The following SS18 variants were observed in gnomAD, a reference collection of about 807,000 sequenced individuals.
SS18 encodes the protein SS18 subunit of BAF chromatin remodeling complex.
Under a neutral mutation model 72.5 loss-of-function variants are expected in SS18, and 28 were observed. The ratio of observed to expected loss-of-function variants is 0.39; its 90% CI spans 0.29 to 0.53. SS18 has a LOEUF of 0.53. Ranked by LOEUF, SS18 falls within the 20% of genes least tolerant of loss-of-function variation. The probability of loss-of-function intolerance (pLI) is 0.76; values close to 1 mark genes in which losing one functional copy is unlikely to be tolerated. For missense variants in SS18, 518 were observed against 535.3 expected (o/e 0.97, Z 0.32); for synonymous variants, 172 against 164.2 (o/e 1.05, Z -0.37).
At chr18:26,030,901 G>C (rs2053532639) in intron 10 of SS18, among the ~76,000 whole-genome samples, 1 of 152,112 alleles carries the variant, frequency 6.6e-6, no homozygotes, top group Admixed American at 6.6e-5. Context: ...AAATGTTTCA[G>C]AAATATAGAA....
At chr18:26,069,891 C>T (rs187881094) in intron 3 of SS18, among the ~76,000 whole-genome samples, 323 of 152,298 alleles carry the variant, frequency 2.1e-3, no homozygotes, top group African/African-American at 7.7e-3. Context: ...AATAAATTAA[C>T]AGTAACTAAT....
At chr18:26,038,109 T>C (rs1319475914) in intron 7 of SS18, among the ~76,000 whole-genome samples, 1 of 152,134 alleles carries the variant, frequency 6.6e-6, no homozygotes, top group African/African-American at 2.4e-5. Flanking sequence ...GTATGAAACA[T>C]TAATTAAAAT....
intron 3 of SS18, among the ~76,000 whole-genome samples, chr18:26,058,827 C>T (rs556187713): frequency 6.6e-5 from 10 of 152,312 alleles, no homozygotes; most frequent in African/African-American, 2.4e-4. Context: ...CTTAAATTCT[C>T]ATATTATTTC....
chr18:26,038,408 T>G, intron 7 of SS18, 147 bp downstream of exon 7: 1 of 658,614 alleles, frequency 1.5e-6, no homozygotes, highest in Admixed American at 2.6e-5. Context: ...AATGCTATCA[T>G]TGGTACTTTA....
At chr18:26,046,634 C>T (rs113338218) in intron 5 of SS18, among the ~76,000 whole-genome samples, 2,006 of 152,312 alleles carry the variant, frequency 0.013, 21 homozygotes, top group Non-Finnish European at 0.021. Flanking sequence ...TTCTTCAGTA[C>T]TCCATTTACA....
rs114040342 is a variant in SS18 at position 26,032,017 on chromosome 18, C to A, written c.1230+382G>T. On this transcript the variant is annotated intron_variant, in intron 10 of 10. Transcript: ENST00000415083. The stretch of plus-strand genomic sequence containing the variant: ...TGAGAAGGGATCACGGAGGGGGAAC[C>A]AAATGAATTTATTAACGTTGAACTG... Among the ~76,000 whole-genome samples, 804 of 152,102 alleles carry A rather than the reference C, an allele frequency of 5.3e-3. 8 individuals are homozygous for A. Among genetic ancestry groups the A allele is most frequent in the Non-Finnish European group, 7.0e-3 (479 of 67,994 alleles).
At chr18:26,062,494 A>T (rs2054141382) in intron 3 of SS18, among the ~76,000 whole-genome samples, 1 of 152,194 alleles carries the variant, frequency 6.6e-6, no homozygotes, top group South Asian at 2.1e-4. Flanking sequence ...TTGATTAAAG[A>T]AAGGAACAAA....
chr18:26,055,895 T>C (rs564126216), intron 4 of SS18, among the ~76,000 whole-genome samples: 6 of 151,960 alleles, frequency 3.9e-5, no homozygotes, highest in East Asian at 1.9e-4. Flanking sequence ...GTAGCTGGGA[T>C]TACAGACGTG....
chr18:26,032,155 C>G (rs1283786193), intron 10 of SS18, among the ~76,000 whole-genome samples: 1 of 151,704 alleles, frequency 6.6e-6, no homozygotes, highest in Non-Finnish European at 1.5e-5. Context: ...GAGAGAGAGA[C>G]AGAATATATA....
intron 5 of SS18, among the ~76,000 whole-genome samples, chr18:26,049,278 G>GCTTT (rs61503300): frequency 0.19 from 28,900 of 151,662 alleles, 5,611 homozygotes; most frequent in African/African-American, 0.49. Flanking sequence ...TGTACTTGTT[G>GCTTT]ATTAAATAAA....
chr18:26,090,973 G>A (rs73944456), upstream of SS18: 1,918 of 247,834 alleles, frequency 7.7e-3, 35 homozygotes, highest in African/African-American at 0.039. Context: ...GGCCCAAGCC[G>A]GCCCGCCCCC....
chr18:26,039,893 C>G (rs1314699693), intron 5 of SS18, among the ~76,000 whole-genome samples: 1 of 152,096 alleles, frequency 6.6e-6, no homozygotes, highest in Non-Finnish European at 1.5e-5. Flanking sequence ...GGAAAAGAAA[C>G]CAAATCTCTA....
In SS18 at chr18:26,056,049, G is replaced by A. The variant is rs762793560; in HGVS notation, c.385+1540C>T. Among the ~76,000 whole-genome samples the A allele has an allele frequency of 5.9e-5, 9 of 152,226 alleles. No homozygotes were observed. In the East Asian group the frequency reaches 1.4e-3, roughly 23 times the overall value. On this transcript the variant is annotated intron_variant, in intron 4 of 10. Transcript: ENST00000415083. ...TGGGATTACAGGCGTGAGCCACCGC[G>A]CCTGGCCTGGAGAAATTCTTAACTA... is the stretch of plus-strand genomic sequence containing the variant.
chr18:26,023,697 A>C (rs947569553), intron 10 of SS18: 5 of 520,798 alleles, frequency 9.6e-6, no homozygotes, highest in African/African-American at 9.5e-5. Flanking sequence ...AGACATACAA[A>C]AGCTGATTAT....
At chr18:26,076,937 T>C (rs763248652) in intron 3 of SS18, among the ~76,000 whole-genome samples, 1 of 152,040 alleles carries the variant, frequency 6.6e-6, no homozygotes, top group Non-Finnish European at 1.5e-5. Context: ...AGGGACAGAA[T>C]CAAGCATTTA....
intron 3 of SS18, among the ~76,000 whole-genome samples, chr18:26,074,000 A>G (rs1487516302): frequency 6.6e-6 from 1 of 152,148 alleles, no homozygotes; most frequent in Non-Finnish European, 1.5e-5. Flanking sequence ...ATTTCCAAGC[A>G]AGAACTTGGA....
At chr18:26,021,784 T>C (rs777603964) in intron 10 of SS18, among the ~76,000 whole-genome samples, 5 of 152,222 alleles carry the variant, frequency 3.3e-5, no homozygotes, top group African/African-American at 4.8e-5. Context: ...AGCTTGGTGA[T>C]AGTACCCCTC....
intron 2 of SS18, among the ~76,000 whole-genome samples, chr18:26,084,669 T>C (rs1175652696): frequency 1.3e-5 from 2 of 152,156 alleles, no homozygotes; most frequent in Admixed American, 6.5e-5. Flanking sequence ...GCTAAAAGTG[T>C]ATAGTGTGAA....
chr18:26,079,546 T>C (rs1447564130), intron 2 of SS18, among the ~76,000 whole-genome samples: 1 of 152,168 alleles, frequency 6.6e-6, no homozygotes, highest in Non-Finnish European at 1.5e-5. Flanking sequence ...ATAGACACCA[T>C]AAAAGGAATC....
Sources: gnomAD v4.1 joint callset for allele counts (sites outside exome capture counted in the v4.1 genomes callset) on GRCh38, gnomAD v4.1.1 for gene constraint, MANE v1.5 for transcripts, NCBI Gene and HGNC (gene_info 2026-07-23, HGNC 2026-07-21) for gene names.